CSMD2: variants seen among roughly 807,000 people sequenced by gnomAD.
CSMD2 encodes CUB and sushi domain-containing protein 2.
CSMD2 carries 130 observed loss-of-function variants against 398.5 expected under a neutral mutation model. The ratio of observed to expected loss-of-function variants is 0.33; its 90% CI spans 0.28 to 0.38. The LOEUF (loss-of-function observed/expected upper bound fraction) is 0.38, where lower values mean the gene tolerates loss of function less well. Among genes scored for constraint, CSMD2 ranks in the 10% least tolerant of loss-of-function variants. The pLI, the probability that CSMD2 is intolerant of heterozygous loss-of-function variation, is 1.00. For synonymous variants in CSMD2, 1,828 were observed against 1,908.5 expected (o/e 0.96, Z 1.10); for missense variants, 3,829 against 4,764.9 (o/e 0.80, Z 5.78).
At chr1:33,816,020 C>T (rs1657422453) in intron 9 of CSMD2, among the ~76,000 whole-genome samples, 1 of 152,200 alleles carries the variant, frequency 6.6e-6, no homozygotes, top group East Asian at 1.9e-4. Flanking sequence ...ATTATCATGG[C>T]ATTTAATTCA....
At chr1:33,948,639 T>C (rs1411682300) in intron 3 of CSMD2, among the ~76,000 whole-genome samples, 7 of 152,168 alleles carry the variant, frequency 4.6e-5, no homozygotes, top group African/African-American at 1.4e-4. Context: ...AAGATACCGA[T>C]CCATTTCCAT....
chr1:34,145,289 A>T (rs190352264), intron 1 of CSMD2, among the ~76,000 whole-genome samples: 1 of 152,300 alleles, frequency 6.6e-6, no homozygotes, highest in African/African-American at 2.4e-5. Flanking sequence ...CATATGGGGG[A>T]TAAAGGAAAG....
intron 2 of CSMD2, among the ~76,000 whole-genome samples, chr1:34,064,136 G>A (rs1654851786): frequency 6.6e-6 from 1 of 152,306 alleles, no homozygotes; most frequent in Non-Finnish European, 1.5e-5. Context: ...GGGAGGTGCC[G>A]CTGTGAAGGT....
At chr1:33,823,036 A>T (rs1658337270) in intron 7 of CSMD2, among the ~76,000 whole-genome samples, 1 of 152,110 alleles carries the variant, frequency 6.6e-6, no homozygotes, top group African/African-American at 2.4e-5. Flanking sequence ...TTCAGTATTG[A>T]CATCACCCAG....
At chr1:33,813,885 T>C (rs1324451728) in intron 9 of CSMD2, 1 of 152,714 alleles carries the variant, frequency 6.5e-6, no homozygotes, top group Non-Finnish European at 1.5e-5. Context: ...ATCCTACTTG[T>C]AGCTGCAACA....
At chr1:34,006,627 C>A (rs1647065958) in intron 3 of CSMD2, among the ~76,000 whole-genome samples, 1 of 152,182 alleles carries the variant, frequency 6.6e-6, no homozygotes, top group African/African-American at 2.4e-5. Context: ...TGAGCTCCTA[C>A]AAGTCACCAA....
At chr1:33,602,308 C>G in intron 43 of CSMD2, 61 bp downstream of exon 43, 1 of 1,568,882 alleles carries the variant, frequency 6.4e-7, no homozygotes, top group Non-Finnish European at 8.8e-7. Flanking sequence ...GACTGGTAAC[C>G]CAGTGTAGAA....
chr1:33,617,532 C>A lies in CSMD2; in HGVS notation c.5913G>T (p.Val1971=). The change falls in exon 38 of 71, where the codon GTG becomes GTT. Residue 1971 remains valine, a synonymous_variant. Transcript: ENST00000373381. ...TGERYLVNDV[V]SFQCEPGYAL... Reference sequence around the variant, plus strand: ...CATATCCCGGCTCACACTGGAAAGACACCACATCATTCACCAAGTAGCGCT... The same window carrying A: ...CATATCCCGGCTCACACTGGAAAGAAACCACATCATTCACCAAGTAGCGCT... The A allele has an allele frequency of 6.2e-7, 1 of 1,614,086 alleles. No homozygotes were observed.
intron 2 of CSMD2, among the ~76,000 whole-genome samples, chr1:34,076,182 C>A (rs1558341379): frequency 6.6e-6 from 1 of 152,170 alleles, no homozygotes; most frequent in African/African-American, 2.4e-5. Context: ...CTATTGGCAC[C>A]TTCTCATCAA....
rs1336602832 is a variant in CSMD2, at chr1:33,831,546, G to A, written c.1034-5772C>T. On this transcript the variant is annotated intron_variant, in intron 6 of 70. Coordinates refer to ENST00000373381, the MANE Select transcript of CSMD2 (RefSeq NM_001281956.2). The stretch of plus-strand genomic sequence containing the variant: ...TGGAAAGGAACAAATGGTACCAGCT[G>A]CTGCAAAATCATGCCAAAATGTAAA... 1.1e-4 allele frequency among the ~76,000 whole-genome samples: 16 copies of A among 151,748 alleles called. No individual in the cohort carries two copies. The East Asian group carries it at 2.7e-3, about 26-fold the overall frequency.
intron 6 of CSMD2, among the ~76,000 whole-genome samples, chr1:33,828,285 G>A (rs139126106): frequency 6.6e-4 from 100 of 152,350 alleles, no homozygotes; most frequent in Middle Eastern, 3.4e-3. Flanking sequence ...AATACAGTGC[G>A]GCAGGGGGAT....
rs965329530 is a variant in CSMD2 at position 33,739,326 on chromosome 1, G to A, written c.2182C>T (p.His728Tyr). 2 of 1,612,716 alleles carry A rather than the reference G, an allele frequency of 1.2e-6. No homozygotes were observed. Among genetic ancestry groups the A allele is most frequent in the Non-Finnish European group, 1.7e-6 (2 of 1,179,254 alleles). Residue 728 changes from histidine to tyrosine, a missense_variant, in exon 15 of 71, where the codon CAC becomes TAC. By Grantham distance (83) the His-to-Tyr change is moderately conservative. Transcript: ENST00000373381. ...ACGCCAGGATCCGGGCACTCGTTGT[G>A]TCGGAAGGCTGTGTAGATGGAGTTC... ...GFNITFTTFR[H>Y]NECPDPGVPV...
chr1:33,854,665 C>A (rs1638944669), intron 5 of CSMD2, among the ~76,000 whole-genome samples: 1 of 152,232 alleles, frequency 6.6e-6, no homozygotes. Flanking sequence ...TCAATGTGGG[C>A]AAATGTTCCC....
At chr1:33,907,837 A>C (rs567145510) in intron 5 of CSMD2, among the ~76,000 whole-genome samples, 4 of 152,274 alleles carry the variant, frequency 2.6e-5, no homozygotes, top group African/African-American at 9.6e-5. Context: ...GGATGAAAAG[A>C]AGTACAGACT....
chr1:33,592,498 C>T (rs1328635091), intron 44 of CSMD2: 1 of 717,110 alleles, frequency 1.4e-6, no homozygotes, highest in Admixed American at 2.0e-5. Flanking sequence ...CCCTGAGGAG[C>T]AGTTAAAGAG....
intron 54 of CSMD2, among the ~76,000 whole-genome samples, chr1:33,558,811 C>G (rs1398583187): frequency 1.3e-5 from 2 of 151,942 alleles, no homozygotes; most frequent in Non-Finnish European, 2.9e-5. Flanking sequence ...CTCTTAGGCT[C>G]TCTGCTTTTT....
chr1:33,992,518 A>T (rs1278091329), intron 3 of CSMD2, among the ~76,000 whole-genome samples: 1 of 151,368 alleles, frequency 6.6e-6, no homozygotes, highest in Non-Finnish European at 1.5e-5. Context: ...ACCCAGCCCT[A>T]GCATGGCTTT....
intron 5 of CSMD2, among the ~76,000 whole-genome samples, chr1:33,888,013 T>C (rs1465476814): frequency 6.6e-6 from 1 of 151,992 alleles, no homozygotes; most frequent in Admixed American, 6.6e-5. Context: ...CCCTATTCAC[T>C]ATAACAATAA....
At chr1:33,920,542 C>CA (rs58865984) in intron 4 of CSMD2, among the ~76,000 whole-genome samples, 1,676 of 84,076 alleles carry the variant, frequency 0.02, 53 homozygotes, top group Non-Finnish European at 0.028. Context: ...CAATCTGTCT[C>CA]AAAAAAAAAA....
Sources: allele counts gnomAD v4.1 joint callset (sites outside exome capture counted in the v4.1 genomes callset), GRCh38; gene constraint gnomAD v4.1.1; transcripts MANE v1.5; gene names NCBI Gene and HGNC (gene_info 2026-07-23, HGNC 2026-07-21).